Variants in NCAPD2 observed in about 807,000 individuals in gnomAD.
NCAPD2 encodes the protein non-SMC condensin I complex subunit D2.
NCAPD2 carries 100 observed loss-of-function variants against 164.5 expected under a neutral mutation model. The observed-to-expected ratio is 0.61, with a 90% CI of 0.52 to 0.72. The LOEUF (loss-of-function observed/expected upper bound fraction) is 0.72. NCAPD2 is among the 30% of genes least tolerant of loss of function. The pLI, the probability that NCAPD2 is intolerant of heterozygous loss-of-function variation, is 0.00. For synonymous variants in NCAPD2, 585 were observed against 642.6 expected, an observed-to-expected ratio of 0.91 and a Z score of 1.36; for missense variants, 1,560 against 1,749.2, an observed-to-expected ratio of 0.89 and a Z score of 1.93.
Position 6,517,867 on chromosome 12 carries a change from A to AGAGGAGGAGATTCCT in NCAPD2, c.1501_1515dup (p.Glu501_Glu505dup), listed in dbSNP as rs1565543901. 3 of 1,614,190 alleles carry AGAGGAGGAGATTCCT rather than the reference A, an allele frequency of 1.9e-6. No individual in the cohort carries two copies. Among genetic ancestry groups the AGAGGAGGAGATTCCT allele is most frequent in the Non-Finnish European group, 1.7e-6 (2 of 1,180,034 alleles). Reference sequence around the variant, plus strand: ...AGCAGCTTCTACAGCTTCCCCAGGGAGAGGAGGAGATTCCTGAGCAAATTG... The same window carrying AGAGGAGGAGATTCCT: ...AGCAGCTTCTACAGCTTCCCCAGGGAGAGGAGGAGATTCCTGAGGAGGAGATTCCTGAGCAAATTG... On this transcript the variant is annotated inframe_insertion, in exon 13 of 32. Coordinates refer to ENST00000315579, the MANE Select transcript of NCAPD2 (RefSeq NM_014865.4).
chr12:6,526,313 C>G lies in NCAPD2; in HGVS notation c.2508C>G (p.Pro836=), dbSNP rs200431803. 9.9e-6 allele frequency: 16 copies of G among 1,614,224 alleles called. No homozygotes were observed. The highest frequency in any genetic ancestry group is 5.0e-5 in the Admixed American group (3 of 60,024). ...RKPSLGKRHP[P]FRLPQEHRLF... ...CTTCTCTGGGCAAACGTCACCCCCCCTTCCGGCTGCCTCAGGAACACAGGT... is the reference window on the plus strand; with the variant it reads ...CTTCTCTGGGCAAACGTCACCCCCCGTTCCGGCTGCCTCAGGAACACAGGT... The change falls in exon 20 of 32, where the codon CCC becomes CCG. Residue 836 remains proline, a synonymous_variant. Transcript: ENST00000315579.
chr12:6,519,129 A>T (rs573633071), intron 13 of NCAPD2, among the ~76,000 whole-genome samples: 1 of 151,998 alleles, frequency 6.6e-6, no homozygotes, highest in Admixed American at 6.5e-5. Context: ...TGACCTCGTG[A>T]TCCGCCTGCC....
chr12:6,495,415 C>T (rs771118783), intron 2 of NCAPD2, among the ~76,000 whole-genome samples, 190 bp downstream of exon 2: 3 of 152,168 alleles, frequency 2.0e-5, no homozygotes, highest in Non-Finnish European at 4.4e-5. Flanking sequence ...TCATTAACTT[C>T]CTTTTCTGGA....
intron 15 of NCAPD2, 139 bp downstream of exon 15, chr12:6,522,176 C>T (rs1393532075): frequency 1.1e-6 from 1 of 935,376 alleles, no homozygotes; most frequent in African/African-American, 1.7e-5. Flanking sequence ...TCAGGCAATT[C>T]TTCTGCGTCA....
intron 2 of NCAPD2, among the ~76,000 whole-genome samples, chr12:6,502,853 T>TTGC (rs1237172574): frequency 1.3e-5 from 2 of 151,532 alleles, no homozygotes; most frequent in African/African-American, 4.9e-5. Flanking sequence ...GTTGTTGTTG[T>TTGC]TGTTGCTTTT....
At chr12:6,504,194 T>G (rs1266014680) in intron 2 of NCAPD2, among the ~76,000 whole-genome samples, 2 of 33,580 alleles carry the variant, frequency 6.0e-5, no homozygotes, top group Non-Finnish European at 9.2e-5. Flanking sequence ...TATATATATA[T>G]ATATATATAT....
At position 6,526,940 on chromosome 12, in the gene NCAPD2, C is replaced by G. The variant is rs201122686; in HGVS notation, c.2784C>G (p.Ser928=). 44 of 1,614,006 alleles carry G rather than the reference C, an allele frequency of 2.7e-5. No homozygotes were observed. Among genetic ancestry groups the G allele is most frequent in the Non-Finnish European group, 3.7e-5 (44 of 1,180,030 alleles). The change falls in exon 22 of 32, where the codon TCC becomes TCG. Residue 928 remains serine, a synonymous_variant. Coordinates refer to ENST00000315579, the MANE Select transcript of NCAPD2 (RefSeq NM_014865.4). ...CTTTCCTGTTGATGAACCTGCTGTC[C>G]CTGGCTGGGGATGTGGCTCTGCAGC... is the stretch of plus-strand genomic sequence containing the variant. The part of the protein sequence containing the change: ...LPTFLLMNLL[S]LAGDVALQQL...
At position 6,514,257 on chromosome 12, in the gene NCAPD2, T is replaced by G. The variant is rs1306869570; in HGVS notation, c.588-8T>G. 4 of 1,614,158 alleles carry G rather than the reference T, an allele frequency of 2.5e-6. No individual in the cohort carries two copies. Among genetic ancestry groups the G allele is most frequent in the Admixed American group, 3.3e-5 (2 of 60,018 alleles). On this transcript the variant is annotated splice_polypyrimidine_tract_variant and splice_region_variant and intron_variant, in intron 6 of 31. Transcript: ENST00000315579. Reference sequence around the variant, plus strand: ...TGCTTTCATCATCTCAAACTCTTCCTTTCTCAGTTTGGTTACTGGCTGTTG... The same window carrying G: ...TGCTTTCATCATCTCAAACTCTTCCGTTCTCAGTTTGGTTACTGGCTGTTG...
intron 17 of NCAPD2, 81 bp from the exon 18 acceptor site, chr12:6,525,502 G>T: frequency 6.7e-7 from 1 of 1,500,392 alleles, no homozygotes; most frequent in South Asian, 1.2e-5. Context: ...CTTCAGGTTC[G>T]CAATATCATC....
intron 15 of NCAPD2, among the ~76,000 whole-genome samples, 179 bp from the exon 16 acceptor site, chr12:6,522,649 G>A (rs1231988314): frequency 6.6e-6 from 1 of 152,128 alleles, no homozygotes; most frequent in Non-Finnish European, 1.5e-5. Context: ...GCCACTTACA[G>A]CTTATACATT....
At chr12:6,495,270 C>G in intron 2 of NCAPD2, 45 bp downstream of exon 2, 1 of 1,604,504 alleles carries the variant, frequency 6.2e-7, no homozygotes, top group East Asian at 2.2e-5. Flanking sequence ...TTCAAAGGAC[C>G]ATCTCACATG....
Position 6,528,112 on chromosome 12 carries a change from C to G in NCAPD2, c.3143+21C>G. The G allele has an allele frequency of 6.2e-7, 1 of 1,614,178 alleles. No individual in the cohort carries two copies. The highest frequency in any genetic ancestry group is 8.5e-7 in the Non-Finnish European group (1 of 1,180,036). On this transcript the variant is annotated intron_variant, in intron 24 of 31. Transcript: ENST00000315579. This position sits in a 1 kb window ranked among gnomAD's most constrained non-coding sequence, Gnocchi z 5.1. The stretch of plus-strand genomic sequence containing the variant: ...ATCAGGTAGGCCGTGGGGTTGGTAC[C>G]CCCTTCTCAAGGAAGATGGGGATGA...
At chr12:6,501,227 ATTTTTTT>A (rs71067121) in intron 2 of NCAPD2, among the ~76,000 whole-genome samples, 36 of 69,200 alleles carry the variant, frequency 5.2e-4, no homozygotes, top group African/African-American at 2.2e-3. Context: ...CGCCTGGCTA[ATTTTTTT>A]TTTTTTTTTT....
chr12:6,503,302 C>T (rs1946056144), intron 2 of NCAPD2, among the ~76,000 whole-genome samples: 1 of 88,822 alleles, frequency 1.1e-5, no homozygotes, highest in Non-Finnish European at 2.2e-5. Flanking sequence ...ATGCCTGAGA[C>T]TGGATATTTA....
At chr12:6,521,190 G>C in intron 14 of NCAPD2, 80 bp downstream of exon 14, 1 of 1,541,172 alleles carries the variant, frequency 6.5e-7, no homozygotes, top group Non-Finnish European at 8.8e-7. Flanking sequence ...GCCATCATTG[G>C]CCTGGTTAAC....
chr12:6,516,983 G>A lies in NCAPD2; in HGVS notation c.1143G>A (p.Arg381=), dbSNP rs752238777. Residue 381 remains arginine (R), a synonymous_variant, in exon 10 of 32, where the codon CGG becomes CGA. Transcript: ENST00000315579. ...GCCATGATGTCAACTCCTTTGTGCG[G>A]AGCCGTGTTTTGCAGCTCTTCACCC... ...AHGHDVNSFV[R]SRVLQLFTRI... 7 of 1,614,048 alleles carry A rather than the reference G, an allele frequency of 4.3e-6. No individual in the cohort carries two copies. Among genetic ancestry groups the A allele is most frequent in the Non-Finnish European group, 5.9e-6 (7 of 1,180,040 alleles).
chr12:6,522,898 G>A lies in NCAPD2; in HGVS notation c.2025G>A (p.Val675=), dbSNP rs757300988. 6 of 1,614,164 alleles carry A rather than the reference G, an allele frequency of 3.7e-6. No homozygotes were observed. The highest frequency in any genetic ancestry group is 2.2e-5 in the East Asian group (1 of 44,874). ...GGGTACCCCAGGCCCTGTTTGGGGT[G>A]CGCCGTATGCTGCCTCTCATCTGGT... ...QFGVPQALFG[V]RRMLPLIWSK... is the part of the protein sequence containing the mutation. Residue 675 remains valine (V), a synonymous_variant, in exon 16 of 32, where the codon GTG becomes GTA. Transcript: ENST00000315579.
chr12:6,525,784 C>T, intron 18 of NCAPD2, 68 bp downstream of exon 18: 1 of 1,576,358 alleles, frequency 6.3e-7, no homozygotes, highest in South Asian at 1.1e-5. Flanking sequence ...GCTCCTTTTC[C>T]TTCAGTGACA....
chr12:6,517,768 C>T lies in NCAPD2; in HGVS notation c.1409-11C>T, dbSNP rs1187665464. 1.2e-6 allele frequency: 2 copies of T among 1,613,946 alleles called. No individual in the cohort carries two copies. Among genetic ancestry groups the T allele is most frequent in the Non-Finnish European group, 1.7e-6 (2 of 1,179,942 alleles). ...CTCTAGTGAAAGAGACTAAGTGACA[C>T]TCTCATTTAGCTGCAGTGCTGGACC... On this transcript the variant is annotated splice_polypyrimidine_tract_variant and intron_variant, in intron 12 of 31. Coordinates refer to ENST00000315579, the MANE Select transcript of NCAPD2 (RefSeq NM_014865.4).
Sources: allele counts gnomAD v4.1 joint callset (sites outside exome capture counted in the v4.1 genomes callset), GRCh38; gene constraint gnomAD v4.1.1; non-coding constraint Gnocchi (gnomAD v3.1); transcripts MANE v1.5; gene names NCBI Gene and HGNC (gene_info 2026-07-23, HGNC 2026-07-21).